SCARA5: variants seen among roughly 807,000 people sequenced by gnomAD.
SCARA5 encodes scavenger receptor class A, member 5 (putative).
Under a neutral mutation model 46.3 loss-of-function variants are expected in SCARA5, and 45 were observed. The observed-to-expected ratio is 0.97, with a 90% confidence interval of 0.76 to 1.24. The LOEUF is 1.24. SCARA5 is among the 50% of genes most tolerant of loss of function. The pLI is 0.00. For synonymous variants in SCARA5, 333 were observed against 306.5 expected (o/e 1.09, Z -0.90); for missense variants, 680 against 689.0 (o/e 0.99, Z 0.15).
chr8:27,978,093 C>T (rs1808555521), intron 2 of SCARA5, among the ~76,000 whole-genome samples: 1 of 136,002 alleles, frequency 7.4e-6, no homozygotes, highest in African/African-American at 2.8e-5. Flanking sequence ...GTGGCGCGAT[C>T]TTGGCTCACT....
chr8:27,926,743 C>T (rs1177497306), intron 3 of SCARA5, among the ~76,000 whole-genome samples: 1 of 152,098 alleles, frequency 6.6e-6, no homozygotes, highest in Non-Finnish European at 1.5e-5. Flanking sequence ...AGGTTTCTTT[C>T]AGGTAAGAAA....
In SCARA5 at chr8:27,921,956, C is replaced by G; in HGVS notation, c.531G>C (p.Gln177His). The change falls in exon 4 of 9, where the codon CAG (glutamine) becomes CAC (histidine). Residue 177 changes from glutamine (Q) to histidine (H), a missense_variant. Gln to His is a conservative substitution (Grantham distance 24). Transcript: ENST00000354914. ...VALLRDRTGQ[Q>H]SDTAQLELYQ... ...AGAGCTCCAGCTGCGCCGTGTCGCT[C>G]TGCTGGCCCGTGCGGTCCCGCAGCA... 1 of 1,545,926 alleles carries G rather than the reference C, an allele frequency of 6.5e-7. No individual in the cohort carries two copies. The highest frequency in any genetic ancestry group is 8.7e-7 in the Non-Finnish European group (1 of 1,154,574).
At chr8:27,972,769 C>A (rs762598405) in intron 2 of SCARA5, among the ~76,000 whole-genome samples, 1 of 152,010 alleles carries the variant, frequency 6.6e-6, no homozygotes, top group Non-Finnish European at 1.5e-5. Flanking sequence ...GAGACTGAGG[C>A]GGGAGGATCA....
intron 3 of SCARA5, among the ~76,000 whole-genome samples, chr8:27,932,380 A>G (rs1422578781): frequency 1.3e-5 from 2 of 152,130 alleles, no homozygotes; most frequent in African/African-American, 4.8e-5. Context: ...TCAGATAGCA[A>G]CTCTGAATAA....
At chr8:27,925,208 G>A (rs1228357769) in intron 3 of SCARA5, among the ~76,000 whole-genome samples, 1 of 152,150 alleles carries the variant, frequency 6.6e-6, no homozygotes, top group Non-Finnish European at 1.5e-5. Flanking sequence ...GAACAAAGCT[G>A]GAGGCATCAT....
chr8:27,893,778 G>A (rs1230334750), intron 7 of SCARA5, among the ~76,000 whole-genome samples: 3 of 152,228 alleles, frequency 2.0e-5, no homozygotes, highest in Admixed American at 6.5e-5. Context: ...TTTACACTGT[G>A]TGCTTGGGGA....
intron 3 of SCARA5, 115 bp from the exon 4 acceptor site, chr8:27,922,360 G>T (rs1166019000): frequency 4.4e-5 from 28 of 637,108 alleles, no homozygotes; most frequent in Non-Finnish European, 6.6e-5. Flanking sequence ...AATGATAGAC[G>T]AATAAAATCA....
chr8:27,907,158 A>C lies in SCARA5; in HGVS notation c.1086T>G (p.Arg362=). 6.2e-7 allele frequency: 1 copy of C among 1,612,982 alleles called. No homozygotes were observed. The highest frequency in any genetic ancestry group is 8.5e-7 in the Non-Finnish European group (1 of 1,179,324). Residue 362 remains arginine, a synonymous_variant, in exon 6 of 9, where the codon CGT becomes CGG. Coordinates refer to ENST00000354914, the MANE Select transcript of SCARA5 (RefSeq NM_173833.6). ...TGAGATTGTTATTACCTTTGAACCC[A>C]CGCATGCCCATTGGTCCTGTGGCCC... is the stretch of plus-strand genomic sequence containing the variant. ...KLGATGPMGM[R]GFKGDRGPKG... is the part of the protein sequence containing the mutation.
chr8:27,957,323 G>T (rs979087401), intron 3 of SCARA5, among the ~76,000 whole-genome samples: 1 of 152,128 alleles, frequency 6.6e-6, no homozygotes, highest in Non-Finnish European at 1.5e-5. Flanking sequence ...ACTTACACCC[G>T]GTTATAAATC....
intron 3 of SCARA5, among the ~76,000 whole-genome samples, chr8:27,945,440 A>C (rs1808021222): frequency 6.6e-6 from 1 of 152,170 alleles, no homozygotes; most frequent in South Asian, 2.1e-4. Flanking sequence ...GGTCTAAGCT[A>C]TCTCTCTGGG....
chr8:27,966,595 A>G, intron 2 of SCARA5, 53 bp from the exon 3 acceptor site: 1 of 1,539,258 alleles, frequency 6.5e-7, no homozygotes, highest in African/African-American at 1.4e-5. Flanking sequence ...AAAACCCCAT[A>G]AGCTCTTTTC....
At chr8:27,907,086 C>T in intron 6 of SCARA5, 62 bp downstream of exon 6, 2 of 1,208,974 alleles carry the variant, frequency 1.7e-6, no homozygotes, top group South Asian at 1.4e-5. Context: ...TCCCCCATGC[C>T]AATGCCCATG....
At position 27,893,873 on chromosome 8, in the gene SCARA5, C is replaced by T. The variant is rs551088356; in HGVS notation, c.1153+10905G>A. ...TGAGCAAGTGGTTTTATTACTCCGC[C>T]CCCAGCGGGTTTAGGAGGACTGTGT... On this transcript the variant is annotated intron_variant, in intron 7 of 8. Coordinates refer to ENST00000354914, the MANE Select transcript of SCARA5 (RefSeq NM_173833.6). Among the ~76,000 whole-genome samples, 4 of 152,308 alleles carry T rather than the reference C, an allele frequency of 2.6e-5. No homozygotes were observed. The South Asian group carries it at 8.3e-4, about 32-fold the overall frequency.
rs2129880528 is a variant in SCARA5 at position 27,944,569 on chromosome 8, T to TA, written c.241+21844dup. 1.3e-5 allele frequency among the ~76,000 whole-genome samples: 2 copies of TA among 152,100 alleles called. 1 individual carries two copies. The highest frequency in any genetic ancestry group is 2.9e-5 in the Non-Finnish European group (2 of 67,986). Reference sequence around the variant, plus strand: ...TGTAGGTTTAACATTTTTTAAAAAATAAAAAATTAAGACCAGGCATGGTGG... The same window carrying TA: ...TGTAGGTTTAACATTTTTTAAAAAATAAAAAAATTAAGACCAGGCATGGTGG... On this transcript the variant is annotated intron_variant, in intron 3 of 8. Transcript: ENST00000354914.
intron 4 of SCARA5, among the ~76,000 whole-genome samples, chr8:27,917,419 T>G (rs1807480145): frequency 6.6e-6 from 1 of 151,930 alleles, no homozygotes. Context: ...TCTGAGAGGG[T>G]ACATTAGCAG....
At chr8:27,909,839 G>T in intron 4 of SCARA5, 96 bp from the exon 5 acceptor site, 1 of 742,664 alleles carries the variant, frequency 1.3e-6, no homozygotes, top group Non-Finnish European at 2.2e-6. Context: ...TCTGAGGAGA[G>T]GAAGGGGCAG....
chr8:27,952,178 C>A (rs953899780), intron 3 of SCARA5, among the ~76,000 whole-genome samples: 1 of 152,074 alleles, frequency 6.6e-6, no homozygotes, highest in Admixed American at 6.5e-5. Context: ...AGCCAAGAAA[C>A]AAAGGGGTGG....
At chr8:27,915,184 T>C (rs559239914) in intron 4 of SCARA5, among the ~76,000 whole-genome samples, 1 of 151,814 alleles carries the variant, frequency 6.6e-6, no homozygotes, top group South Asian at 2.1e-4. Context: ...AATTGTGAGG[T>C]CTCTTTTTTT....
intron 7 of SCARA5, among the ~76,000 whole-genome samples, chr8:27,892,567 C>A (rs796490022): frequency 2.1e-4 from 31 of 150,930 alleles, no homozygotes; most frequent in African/African-American, 7.5e-4. Context: ...TGGAATCTGA[C>A]TCCACCATAG....
Sources: gnomAD v4.1 joint callset for allele counts (sites outside exome capture counted in the v4.1 genomes callset) on GRCh38, gnomAD v4.1.1 for gene constraint, MANE v1.5 for transcripts, NCBI Gene and HGNC (gene_info 2026-07-23, HGNC 2026-07-21) for gene names.